Variants in FRAS1 observed in about 807,000 individuals in gnomAD.
FRAS1 encodes the protein Fraser extracellular matrix complex subunit 1, also known as extracellular matrix organizing protein FRAS1.
Under a neutral mutation model 435.2 loss-of-function variants are expected in FRAS1, and 290 were observed. The observed-to-expected ratio is 0.67, with a 90% CI of 0.61 to 0.73. The LOEUF (loss-of-function observed/expected upper bound fraction) is 0.73, where lower values mean the gene tolerates loss of function less well. FRAS1 is among the 30% of genes least tolerant of loss of function. FRAS1 has a pLI of 0.00. For missense variants in FRAS1, 4,860 were observed against 5,001.5 expected, an observed-to-expected ratio of 0.97 and a Z score of 0.85; for synonymous variants, 1,800 against 1,851.0, an observed-to-expected ratio of 0.97 and a Z score of 0.71.
chr4:78,123,545 T>C (rs890230544), intron 2 of FRAS1, among the ~76,000 whole-genome samples: 2 of 152,224 alleles, frequency 1.3e-5, no homozygotes, highest in Non-Finnish European at 2.9e-5. Flanking sequence ...GGAATAGCAT[T>C]GAATACATAA....
At chr4:78,536,760 A>G (rs559998980) in intron 71 of FRAS1, among the ~76,000 whole-genome samples, 2 of 152,260 alleles carry the variant, frequency 1.3e-5, no homozygotes, top group African/African-American at 4.8e-5. Flanking sequence ...ATGCTTATTG[A>G]AAAAAAGAAG....
chr4:78,068,406 A>G (rs1740159637), intron 2 of FRAS1: 1 of 414,378 alleles, frequency 2.4e-6, no homozygotes, highest in African/African-American at 2.0e-5. Flanking sequence ...AGAATTCCAG[A>G]GATAGGGAGC....
At chr4:78,311,697 A>G (rs761425429) in intron 15 of FRAS1, among the ~76,000 whole-genome samples, 2 of 152,178 alleles carry the variant, frequency 1.3e-5, no homozygotes, top group Non-Finnish European at 2.9e-5. Flanking sequence ...ATAAGGGTTC[A>G]CTCATCTCCA....
chr4:78,079,282 A>C (rs771847193), intron 2 of FRAS1, among the ~76,000 whole-genome samples: 4 of 152,142 alleles, frequency 2.6e-5, no homozygotes, highest in Non-Finnish European at 4.4e-5. Flanking sequence ...GAGGGTAAGG[A>C]ATCAGTGGAG....
At position 78,448,098 on chromosome 4, in the gene FRAS1, GGA is replaced by G; in HGVS notation, c.6060_6061del (p.Arg2020SerfsTer23). 3.1e-6 allele frequency: 5 copies of G among 1,613,156 alleles called. No homozygotes were observed. The highest frequency in any genetic ancestry group is 3.4e-6 in the Non-Finnish European group (4 of 1,179,564). On this transcript the variant is annotated frameshift_variant, in exon 44 of 74. Transcript: ENST00000512123. LOFTEE classifies it high-confidence loss of function. Reference sequence around the variant, plus strand: ...ACTGCTTCTGAGCCTCTGGAGAATGGGAGAGTTTTAGTCCAGGGCTCAACCTT... The same window carrying G: ...ACTGCTTCTGAGCCTCTGGAGAATGGGAGTTTTAGTCCAGGGCTCAACCTT...
chr4:78,226,897 G>A (rs745473041), intron 2 of FRAS1, among the ~76,000 whole-genome samples: 38 of 152,002 alleles, frequency 2.5e-4, no homozygotes, highest in Non-Finnish European at 5.9e-5. Context: ...TTCTGCTTCA[G>A]TTTAGATATT....
At chr4:78,505,190 GAC>G (rs1720796442) in intron 61 of FRAS1, among the ~76,000 whole-genome samples, 1 of 152,106 alleles carries the variant, frequency 6.6e-6, no homozygotes, top group Admixed American at 6.5e-5. Flanking sequence ...TGGTGAATCT[GAC>G]AATTATGTGT....
intron 2 of FRAS1, among the ~76,000 whole-genome samples, chr4:78,076,339 A>C (rs999822838): frequency 6.6e-6 from 1 of 152,202 alleles, no homozygotes; most frequent in Non-Finnish European, 1.5e-5. Flanking sequence ...ATTGATGTTC[A>C]TAATGATCCT....
chr4:78,375,483 C>G (rs111559442), intron 25 of FRAS1, among the ~76,000 whole-genome samples: 52 of 152,322 alleles, frequency 3.4e-4, no homozygotes, highest in African/African-American at 1.2e-3. Context: ...TCTTTTCTTA[C>G]AAGTCAATAT....
chr4:78,305,672 C>G (rs1423820221), intron 14 of FRAS1, among the ~76,000 whole-genome samples: 1 of 150,772 alleles, frequency 6.6e-6, no homozygotes, highest in African/African-American at 2.4e-5. Flanking sequence ...TTGTCAGAGA[C>G]TAGGATTGCA....
rs1371931462 is a variant in FRAS1 at position 78,485,436 on chromosome 4, ATTTTCTTTCAGAAAAGCTACAGCTTTTCT to A, written c.8752+2914_8752+2942del. 2.6e-5 allele frequency among the ~76,000 whole-genome samples: 4 copies of A among 152,106 alleles called. No homozygotes were observed. The East Asian group carries it at 7.7e-4, about 29-fold the overall frequency. On this transcript the variant is annotated intron_variant, in intron 58 of 73. Transcript: ENST00000512123. ...TAGGAAACTGATATGTTAAGCAAAAATTTTCTTTCAGAAAAGCTACAGCTTTTCTTTTTCTTTCAGAGAAGCTACAGCAA... is the reference window on the plus strand; with the variant it reads ...TAGGAAACTGATATGTTAAGCAAAAATTTTCTTTCAGAGAAGCTACAGCAA...
intron 2 of FRAS1, among the ~76,000 whole-genome samples, chr4:78,166,427 C>T (rs1157142793): frequency 6.6e-6 from 1 of 151,998 alleles, no homozygotes; most frequent in African/African-American, 2.4e-5. Context: ...ACTAATAAGA[C>T]TTTTCTTTTT....
At chr4:78,124,884 T>C (rs1477202387) in intron 2 of FRAS1, among the ~76,000 whole-genome samples, 1 of 152,206 alleles carries the variant, frequency 6.6e-6, no homozygotes, top group African/African-American at 2.4e-5. Context: ...TCACTTTTAC[T>C]CTTTATTAGT....
At chr4:78,272,798 C>CT (rs910238788) in intron 9 of FRAS1, among the ~76,000 whole-genome samples, 4 of 152,024 alleles carry the variant, frequency 2.6e-5, no homozygotes, top group African/African-American at 9.7e-5. Flanking sequence ...AATGCAGGCT[C>CT]TTTTTTTGGT....
chr4:78,333,949 A>G (rs899474828), intron 19 of FRAS1, among the ~76,000 whole-genome samples: 9 of 151,800 alleles, frequency 5.9e-5, no homozygotes, highest in South Asian at 4.2e-4. Flanking sequence ...AACCATACAT[A>G]TGTGCCACCA....
chr4:78,262,264 T>C (rs919728705), intron 6 of FRAS1, among the ~76,000 whole-genome samples: 2 of 152,188 alleles, frequency 1.3e-5, no homozygotes, highest in Admixed American at 6.6e-5. Context: ...GCACTCTCCT[T>C]CCTCACTGCT....
At chr4:78,375,551 G>T (rs867874152) in intron 25 of FRAS1, among the ~76,000 whole-genome samples, 188 bp from the exon 26 acceptor site, 1 of 152,176 alleles carries the variant, frequency 6.6e-6, no homozygotes, top group Admixed American at 6.5e-5. Context: ...ATTGTGGAAC[G>T]TGAGGAGTGT....
rs1726285598 is a variant in FRAS1 at position 78,265,082 on chromosome 4, T to C, written c.661T>C (p.Cys221Arg). The change falls in exon 7 of 74, where the codon TGC becomes CGC. Residue 221 changes from cysteine (C) to arginine (R), a missense_variant. By Grantham distance (180) the Cys-to-Arg change is radical. Coordinates refer to ENST00000512123, the MANE Select transcript of FRAS1 (RefSeq NM_025074.7). ...TTGCCCGCAGTGCTCTGCAAGATCC[T>C]GCTCTGCAGCTGGCCAAGTATACGA... ...KCCPQCSARS[C>R]SAAGQVYEHG... 1 of 1,613,384 alleles carries C rather than the reference T, an allele frequency of 6.2e-7. No individual in the cohort carries two copies. The highest frequency in any genetic ancestry group is 8.5e-7 in the Non-Finnish European group (1 of 1,179,530).
intron 2 of FRAS1, among the ~76,000 whole-genome samples, chr4:78,156,475 A>G (rs2110018143): frequency 6.6e-6 from 1 of 152,032 alleles, no homozygotes; most frequent in East Asian, 1.9e-4. Flanking sequence ...CATCTGCTTT[A>G]TTTTGTGATT....
Sources: gnomAD v4.1 joint callset for allele counts (sites outside exome capture counted in the v4.1 genomes callset) on GRCh38, gnomAD v4.1.1 for gene constraint, MANE v1.5 for transcripts, NCBI Gene and HGNC (gene_info 2026-07-23, HGNC 2026-07-21) for gene names.